ZFHX3: variants seen among roughly 807,000 people sequenced by gnomAD.
ZFHX3 encodes the protein zinc finger homeobox protein 3.
ZFHX3 carries 42 observed loss-of-function variants against 279.1 expected under a neutral mutation model. The observed-to-expected ratio is 0.15, with a 90% confidence interval of 0.12 to 0.19. ZFHX3 has a LOEUF of 0.19. Among genes scored for constraint, ZFHX3 ranks in the 10% least tolerant of loss-of-function variants. The pLI is 1.00. For synonymous variants in ZFHX3, 2,293 were observed against 1,957.8 expected (o/e 1.17, Z -4.52); for missense variants, 4,981 against 4,754.0 (o/e 1.05, Z -1.40).
intron 5 of ZFHX3, among the ~76,000 whole-genome samples, chr16:73,188,972 T>C (rs1048413501): frequency 3.3e-5 from 5 of 151,820 alleles, no homozygotes; most frequent in Non-Finnish European, 5.9e-5. Context: ...CAAGCGATTC[T>C]CCTGCCTCAG....
At chr16:73,609,397 G>A (rs925682647) in intron 2 of ZFHX3, 1 of 152,120 alleles carries the variant, frequency 6.6e-6, no homozygotes, top group Non-Finnish European at 1.5e-5. Flanking sequence ...AAAATAAAGG[G>A]ATCAATTTAA....
In ZFHX3 at chr16:72,793,537, T is replaced by C. The variant is rs1406438407; in HGVS notation, c.9145A>G (p.Ile3049Val). Residue 3049 changes from isoleucine to valine, a missense_variant, in exon 9 of 10, where the codon ATC becomes GTC. Physicochemically the swap from Ile to Val is conservative, Grantham distance 29. Coordinates refer to ENST00000268489, the MANE Select transcript of ZFHX3 (RefSeq NM_006885.4). The surrounding 1 kb of genome is among the most constrained non-coding windows in gnomAD (Gnocchi z 4.3). ...CCAATGGTGTCTTTAACTTTGGAGA[T>C]ATGCTGTTGGGAAAAGATATGGTCA... ...VRDHIFSQQH[I>V]SKVKDTIGSQ... 4 of 1,614,192 alleles carry C rather than the reference T, an allele frequency of 2.5e-6. No individual in the cohort carries two copies. The highest frequency in any genetic ancestry group is 1.1e-5 in the South Asian group (1 of 91,084).
At chr16:73,358,705 T>C (rs1394894543) in intron 3 of ZFHX3, among the ~76,000 whole-genome samples, 1 of 152,182 alleles carries the variant, frequency 6.6e-6, no homozygotes, top group Non-Finnish European at 1.5e-5. Flanking sequence ...AGGGGACAAT[T>C]TTGCAACAGA....
chr16:73,412,326 C>CAAAAAA (rs60447973), intron 3 of ZFHX3, among the ~76,000 whole-genome samples: 3 of 117,416 alleles, frequency 2.6e-5, no homozygotes, highest in Non-Finnish European at 3.5e-5. Context: ...GAGACTGTTT[C>CAAAAAA]AAAAAAAAAA....
At chr16:73,171,501 G>A (rs1236342784) in intron 5 of ZFHX3, among the ~76,000 whole-genome samples, 2 of 135,800 alleles carry the variant, frequency 1.5e-5, no homozygotes, top group Non-Finnish European at 1.6e-5. Context: ...GGCGGGGGGG[G>A]CGGGGTGGGG....
chr16:73,603,015 G>A (rs1424529579), intron 2 of ZFHX3, among the ~76,000 whole-genome samples: 3 of 151,814 alleles, frequency 2.0e-5, no homozygotes, highest in Non-Finnish European at 4.4e-5. Flanking sequence ...GCCGGGCGCG[G>A]TGACTCACGC....
upstream of ZFHX3, among the ~76,000 whole-genome samples, chr16:73,052,068 C>T (rs563880577): frequency 3.3e-5 from 5 of 152,070 alleles, no homozygotes; most frequent in Non-Finnish European, 5.9e-5. Flanking sequence ...CCATTCCCAC[C>T]GTCTGACACA....
intron 2 of ZFHX3, among the ~76,000 whole-genome samples, chr16:73,463,387 A>G (rs1195935463): frequency 6.6e-6 from 1 of 152,208 alleles, no homozygotes. Flanking sequence ...ACTCTTAGCC[A>G]GGCTGTCTAC....
intron 2 of ZFHX3, among the ~76,000 whole-genome samples, chr16:73,457,825 G>T (rs982282248): frequency 6.6e-6 from 1 of 152,180 alleles, no homozygotes; most frequent in Non-Finnish European, 1.5e-5. Context: ...CCTACTTCAT[G>T]GTGATGACTC....
At chr16:73,400,786 A>C (rs539073362) in intron 3 of ZFHX3, 6 of 152,140 alleles carry the variant, frequency 3.9e-5, no homozygotes, top group Non-Finnish European at 1.5e-5. Context: ...GTTGTCCTTA[A>C]AAAAGGGATA....
intron 7 of ZFHX3, chr16:73,127,462 G>C (rs1401897787): frequency 7.7e-7 from 1 of 1,305,476 alleles, no homozygotes. Context: ...TCAAGCGAGA[G>C]CCGGGCATCG....
intron 1 of ZFHX3, among the ~76,000 whole-genome samples, chr16:72,961,829 A>G (rs1328710446): frequency 6.6e-6 from 1 of 152,158 alleles, no homozygotes; most frequent in African/African-American, 2.4e-5. Context: ...TTGCAACCAC[A>G]AAGTTCCATG....
intron 2 of ZFHX3, among the ~76,000 whole-genome samples, chr16:73,547,523 C>G (rs748904735): frequency 6.6e-6 from 1 of 152,150 alleles, no homozygotes; most frequent in South Asian, 2.1e-4. Context: ...TTGCCACTTT[C>G]CTTGCTAATC....
chr16:73,509,034 T>C (rs1266808303), intron 2 of ZFHX3, among the ~76,000 whole-genome samples: 2 of 152,196 alleles, frequency 1.3e-5, no homozygotes, highest in South Asian at 2.1e-4. Context: ...TGCAGTGTCA[T>C]AGAGAAATGC....
intron 1 of ZFHX3, among the ~76,000 whole-genome samples, chr16:73,759,878 A>C (rs2053845287): frequency 1.6e-5 from 1 of 62,548 alleles, no homozygotes; most frequent in East Asian, 2.5e-4. Flanking sequence ...TTGGTCTTAC[A>C]GGAAAAAAAA....
At chr16:73,390,454 G>A (rs1432813946) in intron 3 of ZFHX3, among the ~76,000 whole-genome samples, 3 of 152,314 alleles carry the variant, frequency 2.0e-5, no homozygotes, top group Non-Finnish European at 2.9e-5. Flanking sequence ...GCCCTCTGAA[G>A]CTGGATATGC....
intron 1 of ZFHX3, among the ~76,000 whole-genome samples, chr16:72,988,264 C>T (rs893864526): frequency 1.3e-5 from 2 of 152,304 alleles, no homozygotes; most frequent in Admixed American, 1.3e-4. Context: ...GTTCTCAAAA[C>T]CTGAAAGGCT....
At chr16:73,106,256 G>A (rs1346797596) in intron 7 of ZFHX3, among the ~76,000 whole-genome samples, 2 of 152,082 alleles carry the variant, frequency 1.3e-5, no homozygotes, top group Non-Finnish European at 2.9e-5. Flanking sequence ...GTGGCTGGAT[G>A]AATTGTAAAA....
rs150887559 is a variant in ZFHX3 at position 73,130,900 on chromosome 16, G to A, written c.-897+68C>T. On this transcript the variant is annotated intron_variant, in intron 7 of 17. Coordinates refer to the ZFHX3 transcript ENST00000641206. Reference sequence around the variant, plus strand: ...TGGGATCACAGGGGTGAGCCAACACGCTGGGCCCAGACAGTCTTATTTTAA... The same window carrying A: ...TGGGATCACAGGGGTGAGCCAACACACTGGGCCCAGACAGTCTTATTTTAA... The A allele has an allele frequency of 2.4e-3, 2,950 of 1,245,788 alleles. 2 individuals carry two copies. The highest frequency in any genetic ancestry group is 2.8e-3 in the Non-Finnish European group (2,698 of 950,754). 77.2% of individuals were successfully genotyped at this position (1,245,788 alleles called of 1,614,324 possible). A position where few individuals can be genotyped will look rare whatever the true frequency, so the allele number is the denominator to read the frequency against.
Sources: allele counts gnomAD v4.1 joint callset (sites outside exome capture counted in the v4.1 genomes callset), GRCh38; gene constraint gnomAD v4.1.1; non-coding constraint Gnocchi (gnomAD v3.1); transcripts MANE v1.5; gene names NCBI Gene and HGNC (gene_info 2026-07-23, HGNC 2026-07-21).